Variants in ANK3 observed in about 807,000 individuals in gnomAD.
ANK3 encodes the protein ankyrin-3.
In ANK3, 57 loss-of-function variants were observed where a neutral mutation model predicts 370.9. The ratio of observed to expected loss-of-function variants is 0.15; its 90% CI spans 0.12 to 0.19. The LOEUF (loss-of-function observed/expected upper bound fraction) is 0.19. Ranked by LOEUF, ANK3 falls within the 10% of genes least tolerant of loss-of-function variation. The pLI, the probability that ANK3 is intolerant of heterozygous loss-of-function variation, is 1.00. For missense variants in ANK3, 4,439 were observed against 5,302.1 expected (o/e 0.84, Z 5.06); for synonymous variants, 1,929 against 1,946.3 (o/e 0.99, Z 0.23).
chr10:60,274,693 T>C (rs1011403010), intron 4 of ANK3, among the ~76,000 whole-genome samples: 78 of 152,314 alleles, frequency 5.1e-4, no homozygotes, highest in African/African-American at 1.9e-3. Context: ...ACCCCAGCTA[T>C]TGGGTTTCCA....
chr10:60,128,670 C>T (rs181747969), intron 25 of ANK3, among the ~76,000 whole-genome samples: 6 of 152,248 alleles, frequency 3.9e-5, no homozygotes, highest in East Asian at 1.9e-4. Flanking sequence ...TGTGAGCCAC[C>T]GTGCCTGGAC....
At chr10:60,159,810 T>C (rs1321980952) in intron 23 of ANK3, among the ~76,000 whole-genome samples, 1 of 152,162 alleles carries the variant, frequency 6.6e-6, no homozygotes, top group African/African-American at 2.4e-5. Context: ...AATATGCTCC[T>C]GAACGACCAT....
At chr10:60,690,918 C>T (rs1175961827) in intron 1 of ANK3, among the ~76,000 whole-genome samples, 2 of 152,194 alleles carry the variant, frequency 1.3e-5, no homozygotes, top group Non-Finnish European at 2.9e-5. Flanking sequence ...ATTTAAATAT[C>T]ATACTGGGCT....
rs1458175515 is a variant in ANK3 at position 60,068,945 on chromosome 10, C to CTGGTGGTGG, written c.11927_11935dup (p.Thr3976_Thr3978dup). ...ACTTTTCCTAACTTTAACTGTGCAG[C>CTGGTGGTGG]TGGTGGTGGTGGTAGTGGTGGTAGT... On this transcript the variant is annotated inframe_insertion, in exon 37 of 44. Coordinates refer to ENST00000280772, the MANE Select transcript of ANK3 (RefSeq NM_020987.5). The CTGGTGGTGG allele has an allele frequency of 1.2e-6, 2 of 1,613,898 alleles. No individual in the cohort carries two copies. The highest frequency in any genetic ancestry group is 1.1e-5 in the South Asian group (1 of 91,066).
chr10:60,687,531 A>ACACACAC (rs111633246), intron 1 of ANK3, among the ~76,000 whole-genome samples: 105 of 121,126 alleles, frequency 8.7e-4, no homozygotes, highest in African/African-American at 3.5e-3. Context: ...CTGGTATAAA[A>ACACACAC]AAAAACACAC....
chr10:60,487,586 T>C (rs2075381178), intron 2 of ANK3, among the ~76,000 whole-genome samples: 1 of 124,726 alleles, frequency 8.0e-6, no homozygotes, highest in Non-Finnish European at 1.8e-5. Flanking sequence ...GTAAAATGCA[T>C]ATCTCTGGGT....
chr10:60,240,619 G>A (rs1038097607), intron 7 of ANK3, among the ~76,000 whole-genome samples: 3 of 148,642 alleles, frequency 2.0e-5, no homozygotes, highest in African/African-American at 5.0e-5. Context: ...TTTTTGAGAC[G>A]GTCTTGCTGT....
At chr10:60,059,117 T>C (rs2079812544) in intron 41 of ANK3, among the ~76,000 whole-genome samples, 1 of 152,212 alleles carries the variant, frequency 6.6e-6, no homozygotes, top group Admixed American at 6.5e-5. Flanking sequence ...CTTGGGCATG[T>C]ATGTAAATTT....
At chr10:60,141,100 T>C (rs1231039468) in intron 23 of ANK3, 3 of 896,706 alleles carry the variant, frequency 3.3e-6, no homozygotes, top group Non-Finnish European at 2.7e-6. Context: ...TGCCCTTGAG[T>C]TGAGGTTGTG....
Position 60,486,210 on chromosome 10 carries a change from C to T in ANK3, c.96+128976G>A, listed in dbSNP as rs2075343045. On this transcript the variant is annotated intron_variant, in intron 2 of 43. Coordinates refer to the ANK3 transcript ENST00000373827. Reference sequence around the variant, plus strand: ...AATTTCATAATTAAATCTCATTGATCCTCTAATAAAAAGAATAGTGAATAA... The same window carrying T: ...AATTTCATAATTAAATCTCATTGATTCTCTAATAAAAAGAATAGTGAATAA... Among the ~76,000 whole-genome samples the T allele has an allele frequency of 4.6e-5, 7 of 152,214 alleles. No individual in the cohort carries two copies. The South Asian group carries it at 1.5e-3, about 32-fold the overall frequency.
chr10:60,498,446 C>T (rs956980032), intron 2 of ANK3, among the ~76,000 whole-genome samples: 2 of 152,122 alleles, frequency 1.3e-5, no homozygotes, highest in African/African-American at 4.8e-5. Flanking sequence ...GGCTGGAGAA[C>T]AGCACAATCA....
rs554322926 is a variant in ANK3, at chr10:60,036,525, TC to T, written c.*19+6146del. 9.0e-4 allele frequency among the ~76,000 whole-genome samples: 120 copies of T among 133,998 alleles called. No homozygotes were observed. The South Asian group carries it at 0.03, about 33-fold the overall frequency. The allele number at this position is 133,998 out of a possible 152,430, so 87.9% of individuals were successfully genotyped here. A position where few individuals can be genotyped will look rare whatever the true frequency, so the allele number is the denominator to read the frequency against. On this transcript the variant is annotated intron_variant, in intron 43 of 43. Transcript: ENST00000280772. ...ATCTAGGCTCACTGAAAGCTCCACC[TC>T]CCAGGTTCACGCCATTCTCCTGCCT...
At position 60,208,150 on chromosome 10, in the gene ANK3, C is replaced by T; in HGVS notation, c.1080G>A (p.Val360=). Residue 360 remains valine, a synonymous_variant, in exon 10 of 44, where the codon GTG becomes GTA. Coordinates refer to ENST00000280772, the MANE Select transcript of ANK3 (RefSeq NM_020987.5). ...TCAGGTAGTCATTGGTGACATCATC[C>T]ACGGGTACATTATGCTGGAGGAGAA... ...VQLLLQHNVP[V]DDVTNDYLTA... 1 of 1,614,094 alleles carries T rather than the reference C, an allele frequency of 6.2e-7. No individual in the cohort carries two copies. Among genetic ancestry groups the T allele is most frequent in the South Asian group, 1.1e-5 (1 of 91,080 alleles).
At chr10:60,494,763 A>G (rs2075611018) in intron 2 of ANK3, among the ~76,000 whole-genome samples, 1 of 152,216 alleles carries the variant, frequency 6.6e-6, no homozygotes, top group Non-Finnish European at 1.5e-5. Flanking sequence ...TTCTGGGAAC[A>G]TGATTTGATT....
chr10:60,212,496 T>TGTAGTAGCTTC (rs2096872550), intron 9 of ANK3, among the ~76,000 whole-genome samples: 1 of 152,038 alleles, frequency 6.6e-6, no homozygotes, highest in Non-Finnish European at 1.5e-5. Context: ...TAAGAAACAC[T>TGTAGTAGCTTC]CAAAAGGCCA....
intron 18 of ANK3, among the ~76,000 whole-genome samples, chr10:60,176,309 G>A (rs548637520): frequency 6.9e-6 from 1 of 144,304 alleles, no homozygotes; most frequent in East Asian, 2.0e-4. Context: ...ATGCTGCAGT[G>A]AGCCATGATC....
At chr10:60,474,665 G>T (rs1411868523) in intron 2 of ANK3, among the ~76,000 whole-genome samples, 2 of 152,108 alleles carry the variant, frequency 1.3e-5, no homozygotes, top group African/African-American at 2.4e-5. Context: ...CTAAGAATAA[G>T]ACTGAATAAG....
chr10:60,318,457 T>C (rs1270345011), intron 1 of ANK3, among the ~76,000 whole-genome samples: 3 of 152,216 alleles, frequency 2.0e-5, no homozygotes, highest in East Asian at 1.9e-4. Flanking sequence ...GGATCGACTT[T>C]ACCTCACAAG....
chr10:60,369,098 A>T (rs1032520733), intron 1 of ANK3, among the ~76,000 whole-genome samples: 28 of 121,842 alleles, frequency 2.3e-4, no homozygotes, highest in African/African-American at 8.2e-4. Context: ...ACTTCGGTTT[A>T]AAAAAAAACT....
Sources: gnomAD v4.1 joint callset for allele counts (sites outside exome capture counted in the v4.1 genomes callset) on GRCh38, gnomAD v4.1.1 for gene constraint, MANE v1.5 for transcripts, NCBI Gene and HGNC (gene_info 2026-07-23, HGNC 2026-07-21) for gene names.